Variants in USP24 observed in about 807,000 individuals in gnomAD.
USP24 encodes the protein ubiquitin carboxyl-terminal hydrolase 24.
In USP24, 97 loss-of-function variants were observed where a neutral mutation model predicts 361.6. The ratio of observed to expected loss-of-function variants is 0.27; its 90% CI spans 0.23 to 0.32. USP24 has a LOEUF of 0.32. Among genes scored for constraint, USP24 ranks in the 10% least tolerant of loss-of-function variants. The pLI, the probability that USP24 is intolerant of heterozygous loss-of-function variation, is 1.00. For synonymous variants in USP24, 1,098 were observed against 1,124.6 expected (o/e 0.98, Z 0.47); for missense variants, 2,353 against 3,165.6 (o/e 0.74, Z 6.16).
intron 1 of USP24, among the ~76,000 whole-genome samples, chr1:55,180,590 C>T (rs1643937433): frequency 6.6e-6 from 1 of 152,196 alleles, no homozygotes; most frequent in South Asian, 2.1e-4. Context: ...TCTACGGGCA[C>T]AATCAATGGT....
chr1:55,149,500 C>T (rs1647132378), intron 16 of USP24, among the ~76,000 whole-genome samples: 1 of 152,162 alleles, frequency 6.6e-6, no homozygotes, highest in African/African-American at 2.4e-5. Context: ...AAACATCTCA[C>T]TATTGAATAT....
Position 55,094,044 on chromosome 1 carries a change from G to T in USP24, c.6247C>A (p.Arg2083=). The change falls in exon 52 of 68, where the codon CGG becomes AGG. Residue 2083 remains arginine, a synonymous_variant. Coordinates refer to ENST00000294383, the MANE Select transcript of USP24 (RefSeq NM_015306.3). Reference sequence around the variant, plus strand: ...CGGTCATTGTTCGGCCTATGGGGCCGAGGGGATGACTGAGGTGAAATTTCT... The same window carrying T: ...CGGTCATTGTTCGGCCTATGGGGCCTAGGGGATGACTGAGGTGAAATTTCT... The part of the protein sequence containing the change: ...SPEISPQSSP[R]PHRPNNDRLS... 1 of 1,613,648 alleles carries T rather than the reference G, an allele frequency of 6.2e-7. No homozygotes were observed. The highest frequency in any genetic ancestry group is 8.5e-7 in the Non-Finnish European group (1 of 1,179,732).
chr1:55,171,253 C>CT (rs1557665453), intron 5 of USP24, among the ~76,000 whole-genome samples: 1 of 152,172 alleles, frequency 6.6e-6, no homozygotes, highest in Non-Finnish European at 1.5e-5. Context: ...TCAACTCTCT[C>CT]TAAGAAACTG....
intron 16 of USP24, chr1:55,151,807 T>C: frequency 1.2e-6 from 1 of 804,252 alleles, no homozygotes; most frequent in South Asian, 5.7e-5. Context: ...ACAGTGGAAC[T>C]TGGGAATTTT....
intron 1 of USP24, among the ~76,000 whole-genome samples, chr1:55,182,586 C>T (rs886454814): frequency 2.6e-5 from 4 of 151,956 alleles, no homozygotes; most frequent in African/African-American, 9.7e-5. Context: ...TAAGGGGGAG[C>T]AAGGGGGGAG....
chr1:55,095,145 A>C, intron 51 of USP24, 110 bp downstream of exon 51: 1 of 1,258,216 alleles, frequency 7.9e-7, no homozygotes, highest in Non-Finnish European at 1.0e-6. Flanking sequence ...TCTTTTTAGA[A>C]TTTCTCTCCA....
At chr1:55,089,825 C>A in intron 54 of USP24, 85 bp from the exon 55 acceptor site, 1 of 893,884 alleles carries the variant, frequency 1.1e-6, no homozygotes, top group Non-Finnish European at 1.7e-6. Flanking sequence ...GGTTCTTATC[C>A]TTTCTATCTA....
chr1:55,173,183 G>A (rs1649623438), intron 3 of USP24, among the ~76,000 whole-genome samples: 1 of 151,630 alleles, frequency 6.6e-6, no homozygotes, highest in African/African-American at 2.4e-5. Flanking sequence ...CTCAGAATGT[G>A]AAAAAAAATC....
At chr1:55,199,620 T>TGAGAGAGAGA (rs1472807809) in intron 1 of USP24, among the ~76,000 whole-genome samples, 17 of 96,380 alleles carry the variant, frequency 1.8e-4, no homozygotes, top group African/African-American at 5.7e-4. Context: ...TGTGTGTGTG[T>TGAGAGAGAGA]GTGAGAGAGA....
chr1:55,146,141 T>C (rs1647023302), intron 19 of USP24, 32 bp from the exon 20 acceptor site: 1 of 1,513,870 alleles, frequency 6.6e-7, no homozygotes, highest in Non-Finnish European at 9.1e-7. Flanking sequence ...ACCCTATAAC[T>C]AAGATCCATT....
intron 27 of USP24, 51 bp from the exon 28 acceptor site, chr1:55,137,739 T>C: frequency 5.1e-6 from 8 of 1,572,122 alleles, no homozygotes; most frequent in Non-Finnish European, 6.9e-6. Context: ...GAGGAAATTA[T>C]TCATATCAGG....
chr1:55,080,479 G>A (rs1645127768), intron 59 of USP24, among the ~76,000 whole-genome samples: 1 of 152,192 alleles, frequency 6.6e-6, no homozygotes, highest in Non-Finnish European at 1.5e-5. Flanking sequence ...ATGACCTTGT[G>A]GAGGTTACTA....
At chr1:55,105,213 A>T (rs189811310) in intron 41 of USP24, among the ~76,000 whole-genome samples, 2 of 152,312 alleles carry the variant, frequency 1.3e-5, no homozygotes, top group African/African-American at 4.8e-5. Context: ...TGCTTTAATA[A>T]AAGACTACCA....
At chr1:55,213,940 C>T (rs1644913757) in intron 1 of USP24, among the ~76,000 whole-genome samples, 1 of 151,998 alleles carries the variant, frequency 6.6e-6, no homozygotes, top group East Asian at 1.9e-4. Flanking sequence ...GTATGACTAC[C>T]ATCTCTTTCC....
chr1:55,150,853 AAG>A (rs1474712641), intron 16 of USP24, among the ~76,000 whole-genome samples: 1 of 152,236 alleles, frequency 6.6e-6, no homozygotes, highest in East Asian at 1.9e-4. Context: ...AATTACAATG[AAG>A]ATATCTGATA....
chr1:55,077,167 T>C, intron 62 of USP24, 68 bp downstream of exon 62: 1 of 1,311,626 alleles, frequency 7.6e-7, no homozygotes, highest in Non-Finnish European at 1.0e-6. Context: ...CATATAATTT[T>C]TTATTTATAA....
intron 1 of USP24, among the ~76,000 whole-genome samples, chr1:55,199,588 AGTGTGT>A (rs55710750): frequency 0.59 from 86,950 of 146,230 alleles, 28,258 homozygotes; most frequent in East Asian, 0.73. Context: ...GTTCAGAAAA[AGTGTGT>A]GTGTGTGTGT....
intron 1 of USP24, among the ~76,000 whole-genome samples, chr1:55,214,167 C>T (rs1644921117): frequency 6.6e-6 from 1 of 151,712 alleles, no homozygotes; most frequent in Non-Finnish European, 1.5e-5. Context: ...CTGGCCGCGG[C>T]CCCTTCCCTC....
chr1:55,105,224 T>C (rs984259668), intron 41 of USP24, among the ~76,000 whole-genome samples: 15 of 152,208 alleles, frequency 9.9e-5, no homozygotes, highest in Non-Finnish European at 2.1e-4. Flanking sequence ...AAGACTACCA[T>C]AGACCTAGCA....
Sources: allele counts gnomAD v4.1 joint callset (sites outside exome capture counted in the v4.1 genomes callset), GRCh38; gene constraint gnomAD v4.1.1; transcripts MANE v1.5; gene names NCBI Gene and HGNC (gene_info 2026-07-23, HGNC 2026-07-21).